The following ADCY2 variants were observed in gnomAD, a reference collection of about 807,000 sequenced individuals.
The protein encoded by ADCY2 is adenylate cyclase type 2.
A neutral mutation model predicts 125.2 loss-of-function variants in ADCY2; 31 were observed. The ratio of observed to expected loss-of-function variants is 0.25; its 90% CI spans 0.19 to 0.33. ADCY2 has a LOEUF of 0.33. Among genes scored for constraint, ADCY2 ranks in the 10% least tolerant of loss-of-function variants. ADCY2 has a pLI of 1.00. For missense variants in ADCY2, 904 were observed against 1,418.2 expected (o/e 0.64, Z 5.82); for synonymous variants, 512 against 548.4 (o/e 0.93, Z 0.93).
At chr5:7,682,393 G>T (rs1462349735) in intron 4 of ADCY2, among the ~76,000 whole-genome samples, 2 of 152,162 alleles carry the variant, frequency 1.3e-5, no homozygotes, top group Non-Finnish European at 2.9e-5. Flanking sequence ...AGCTATTTCA[G>T]GGTCTGGTCT....
Position 7,802,426 on chromosome 5 carries a change from G to C in ADCY2, c.2775+62G>C. The C allele has an allele frequency of 6.4e-7, 1 of 1,568,354 alleles. No individual in the cohort carries two copies. Among genetic ancestry groups the C allele is most frequent in the Non-Finnish European group, 8.6e-7 (1 of 1,156,262 alleles). Reference sequence around the variant, plus strand: ...CACTCAGTCTCACACCTGTGCACTTGAAGTTACTTCAGGATAGTGGCCTAT... The same window carrying C: ...CACTCAGTCTCACACCTGTGCACTTCAAGTTACTTCAGGATAGTGGCCTAT... On this transcript the variant is annotated intron_variant, in intron 21 of 24. Transcript: ENST00000338316. This position sits in a 1 kb window ranked among gnomAD's most constrained non-coding sequence, Gnocchi z 4.6.
chr5:7,514,800 G>A (rs561790584), intron 2 of ADCY2, among the ~76,000 whole-genome samples: 1 of 152,322 alleles, frequency 6.6e-6, no homozygotes, highest in South Asian at 2.1e-4. Context: ...GCAGTGGAGT[G>A]ATCAGAGGTT....
chr5:7,529,002 TAA>T, intron 3 of ADCY2, among the ~76,000 whole-genome samples: 1 of 152,350 alleles, frequency 6.6e-6, no homozygotes, highest in South Asian at 2.1e-4. Context: ...AGGAATCTGC[TAA>T]GTTATATGAA....
chr5:7,518,747 G>A (rs1020330355), intron 2 of ADCY2, among the ~76,000 whole-genome samples: 12 of 152,200 alleles, frequency 7.9e-5, no homozygotes, highest in South Asian at 4.1e-4. Context: ...GTCCCGAGAC[G>A]GCTGGACTCA....
chr5:7,553,185 C>A (rs1414053925), intron 3 of ADCY2, among the ~76,000 whole-genome samples: 1 of 152,212 alleles, frequency 6.6e-6, no homozygotes, highest in East Asian at 1.9e-4. Context: ...GATCTCTGTA[C>A]TCATTAGGGA....
chr5:7,516,860 G>T lies in ADCY2; in HGVS notation c.409-3878G>T, dbSNP rs142507734. The stretch of plus-strand genomic sequence containing the variant: ...CCAGTAACCAGCTCAGTGAGGTCAG[G>T]ATGGAGAGAAGCAGACAGACAGAGA... On this transcript the variant is annotated intron_variant, in intron 2 of 24. Coordinates refer to ENST00000338316, the MANE Select transcript of ADCY2 (RefSeq NM_020546.3). Among the ~76,000 whole-genome samples the T allele has an allele frequency of 1.4e-4, 22 of 152,186 alleles. No homozygotes were observed. In the East Asian group the frequency reaches 3.5e-3, roughly 24 times the overall value.
chr5:7,431,083 A>G (rs1740582287), intron 2 of ADCY2, among the ~76,000 whole-genome samples: 2 of 152,184 alleles, frequency 1.3e-5, no homozygotes, highest in Admixed American at 6.5e-5. Flanking sequence ...GAAATGCAAA[A>G]TACCCCTTAA....
chr5:7,689,052 A>G (rs138157199), intron 4 of ADCY2, among the ~76,000 whole-genome samples: 4 of 152,346 alleles, frequency 2.6e-5, no homozygotes, highest in Non-Finnish European at 5.9e-5. Flanking sequence ...GAAGCACATT[A>G]ACTTAGAACA....
chr5:7,507,333 T>C lies in ADCY2; in HGVS notation c.409-13405T>C, dbSNP rs556853119. Reference sequence around the variant, plus strand: ...GCGGGCGCCTGTAGTCCCAGCTACTTGGGAGGCTGAGGCAGGAGAATGGCG... The same window carrying C: ...GCGGGCGCCTGTAGTCCCAGCTACTCGGGAGGCTGAGGCAGGAGAATGGCG... On this transcript the variant is annotated intron_variant, in intron 2 of 24. Transcript: ENST00000338316. Among the ~76,000 whole-genome samples the C allele has an allele frequency of 1.7e-4, 23 of 133,960 alleles. 1 individual carries two copies. The highest frequency in any genetic ancestry group is 3.5e-4 in the African/African-American group (12 of 34,390). The allele number at this position is 133,960 out of a possible 152,430, so 87.9% of individuals were successfully genotyped here. A position where few individuals can be genotyped will look rare whatever the true frequency, so the allele number is the denominator to read the frequency against.
At chr5:7,820,832 T>C (rs1745274270) in intron 24 of ADCY2, 143 bp downstream of exon 24, 3 of 1,158,240 alleles carry the variant, frequency 2.6e-6, no homozygotes, top group African/African-American at 1.6e-5. Flanking sequence ...TGGAGAACAA[T>C]TTTTGGGGAA....
chr5:7,513,106 C>CACACACACACACAGAGAG (rs777343291), intron 2 of ADCY2, among the ~76,000 whole-genome samples: 2 of 138,432 alleles, frequency 1.4e-5, no homozygotes, highest in African/African-American at 5.1e-5. Context: ...CACACACACA[C>CACACACACACACAGAGAG]AGAGAGAGAG....
chr5:7,719,416 G>A (rs1339578161), intron 12 of ADCY2, among the ~76,000 whole-genome samples: 1 of 152,198 alleles, frequency 6.6e-6, no homozygotes, highest in Non-Finnish European at 1.5e-5. Context: ...GTTACACTTT[G>A]TTATGCCTTA....
At chr5:7,433,661 A>C (rs1253782550) in intron 2 of ADCY2, among the ~76,000 whole-genome samples, 2 of 152,192 alleles carry the variant, frequency 1.3e-5, no homozygotes, top group African/African-American at 4.8e-5. Flanking sequence ...AAAGAAAAAA[A>C]AATGGAAGAT....
At chr5:7,785,422 C>T (rs2126499297) in intron 19 of ADCY2, among the ~76,000 whole-genome samples, 1 of 152,324 alleles carries the variant, frequency 6.6e-6, no homozygotes, top group South Asian at 2.1e-4. Context: ...ATCCATCTCC[C>T]TAGCACCGAG....
intron 2 of ADCY2, among the ~76,000 whole-genome samples, chr5:7,434,649 A>T (rs1420002472): frequency 6.6e-6 from 1 of 152,254 alleles, no homozygotes; most frequent in African/African-American, 2.4e-5. Context: ...ATGCAGAAGC[A>T]TGCTTTTATA....
At chr5:7,510,585 T>C (rs1744017419) in intron 2 of ADCY2, among the ~76,000 whole-genome samples, 1 of 152,168 alleles carries the variant, frequency 6.6e-6, no homozygotes, top group Admixed American at 6.5e-5. Context: ...ACAAAGATCT[T>C]GAGCTCCACA....
chr5:7,583,276 G>T (rs1035691500), intron 3 of ADCY2, among the ~76,000 whole-genome samples: 3 of 151,886 alleles, frequency 2.0e-5, no homozygotes, highest in African/African-American at 7.2e-5. Flanking sequence ...CAAGATTATT[G>T]TACATAGTGA....
intron 1 of ADCY2, among the ~76,000 whole-genome samples, chr5:7,408,705 A>C (rs760696203): frequency 2.6e-5 from 4 of 152,146 alleles, no homozygotes; most frequent in African/African-American, 2.4e-5. Flanking sequence ...GCAAAAAAAC[A>C]AAAAACCAAA....
intron 2 of ADCY2, among the ~76,000 whole-genome samples, chr5:7,437,551 C>G (rs1451514265): frequency 6.6e-6 from 1 of 152,252 alleles, no homozygotes; most frequent in Non-Finnish European, 1.5e-5. Context: ...ATCATAACAG[C>G]AGCAGCTCAG....
Sources: allele counts gnomAD v4.1 joint callset (sites outside exome capture counted in the v4.1 genomes callset), GRCh38; gene constraint gnomAD v4.1.1; non-coding constraint Gnocchi (gnomAD v3.1); transcripts MANE v1.5; gene names NCBI Gene and HGNC (gene_info 2026-07-23, HGNC 2026-07-21).